The following TENM3 variants were observed in gnomAD, a reference collection of about 807,000 sequenced individuals.
TENM3 encodes the protein teneurin transmembrane protein 3.
In TENM3, 63 loss-of-function variants were observed where a neutral mutation model predicts 255.1. That is an observed-to-expected ratio of 0.25 (90% CI 0.20 to 0.30). The LOEUF (loss-of-function observed/expected upper bound fraction) is 0.30. Among genes scored for constraint, TENM3 ranks in the 10% least tolerant of loss-of-function variants. TENM3 has a pLI of 1.00. For missense variants in TENM3, 2,929 were observed against 3,461.1 expected (o/e 0.85, Z 3.86); for synonymous variants, 1,306 against 1,322.3 (o/e 0.99, Z 0.27).
At chr4:181,517,460 G>T in the TENM3 span, among the ~76,000 whole-genome samples, 1 of 152,182 alleles carries the variant, frequency 6.6e-6, no homozygotes, top group Non-Finnish European at 1.5e-5. Flanking sequence ...AGAGAAGTTA[G>T]CACTGGCCCT....
chr4:182,041,641 G>A, the TENM3 span, among the ~76,000 whole-genome samples: 1 of 152,076 alleles, frequency 6.6e-6, no homozygotes, highest in African/African-American at 2.4e-5. Flanking sequence ...TCCAGTTTAT[G>A]TGTTTTATTT....
rs556612124 is a variant in TENM3, at chr4:182,628,915, TTGTC to T, written c.988+30_988+33del. On this transcript the variant is annotated intron_variant, in intron 5 of 27. Transcript: ENST00000511685. ...GTAAGAACAAGTTCTTAGAATTACT[TTGTC>T]TGTAAATCAGGGTGTTACATTGTTT... 5.4e-4 allele frequency: 730 copies of T among 1,355,660 alleles called. 6 individuals are homozygous for T. The African/African-American group carries it at 9.3e-3, about 17-fold the overall frequency. 84.0% of individuals were successfully genotyped at this position (1,355,660 alleles called of 1,614,324 possible). A position where few individuals can be genotyped will look rare whatever the true frequency, so the allele number is the denominator to read the frequency against.
chr4:182,334,545 T>C lies in TENM3; in HGVS notation c.232+10293T>C, dbSNP rs1006176958. ...GTGAGGACAAAATGGAGTTAATATGTATTTTCAAAAGTATGATGAAGCTGC... is the reference window on the plus strand; with the variant it reads ...GTGAGGACAAAATGGAGTTAATATGCATTTTCAAAAGTATGATGAAGCTGC... On this transcript the variant is annotated intron_variant, in intron 2 of 27. Transcript: ENST00000511685. Among the ~76,000 whole-genome samples, 7 of 152,318 alleles carry C rather than the reference T, an allele frequency of 4.6e-5. No homozygotes were observed. The East Asian group carries it at 9.6e-4, about 21-fold the overall frequency.
the TENM3 span, among the ~76,000 whole-genome samples, chr4:182,100,828 T>TACAC: frequency 3.9e-4 from 3 of 7,732 alleles, 1 homozygote; most frequent in African/African-American, 8.6e-4. Context: ...TACACATATA[T>TACAC]ATATATATAT....
the TENM3 span, among the ~76,000 whole-genome samples, chr4:181,591,405 C>T: frequency 2.4e-4 from 37 of 152,310 alleles, no homozygotes; most frequent in Middle Eastern, 3.4e-3. Flanking sequence ...AGCCAGTGTC[C>T]ATGCAAAGAC....
the TENM3 span, among the ~76,000 whole-genome samples, chr4:181,960,917 C>T: frequency 1.7e-3 from 253 of 152,226 alleles, no homozygotes; most frequent in African/African-American, 5.8e-3. Flanking sequence ...TAGAATACCA[C>T]CGGCTGATCA....
At chr4:181,698,885 C>T in the TENM3 span, among the ~76,000 whole-genome samples, 1 of 152,196 alleles carries the variant, frequency 6.6e-6, no homozygotes, top group East Asian at 1.9e-4. Flanking sequence ...TAAGTTCCCT[C>T]TGATATAAGT....
At chr4:182,785,871 C>A (rs1016271789) in intron 24 of TENM3, among the ~76,000 whole-genome samples, 3 of 151,556 alleles carry the variant, frequency 2.0e-5, no homozygotes, top group Non-Finnish European at 2.9e-5. Context: ...CTTGTCTGTT[C>A]TTTTGTTCAC....
At chr4:182,546,680 C>T (rs1169588280) in intron 3 of TENM3, among the ~76,000 whole-genome samples, 2 of 152,110 alleles carry the variant, frequency 1.3e-5, no homozygotes, top group African/African-American at 4.8e-5. Context: ...ATCTTTTATT[C>T]TCCAAGCAAC....
At chr4:181,497,862 T>C in the TENM3 span, among the ~76,000 whole-genome samples, 2 of 152,316 alleles carry the variant, frequency 1.3e-5, no homozygotes, top group South Asian at 4.1e-4. Context: ...CAATGGTAGG[T>C]ATTCCACTAA....
the TENM3 span, among the ~76,000 whole-genome samples, chr4:181,825,702 T>C: frequency 1.3e-5 from 2 of 152,198 alleles, no homozygotes; most frequent in Non-Finnish European, 2.9e-5. Flanking sequence ...AACATAAGTG[T>C]ACTCAAAAGA....
At chr4:182,637,513 C>T (rs1751939905) in intron 5 of TENM3, among the ~76,000 whole-genome samples, 1 of 152,028 alleles carries the variant, frequency 6.6e-6, no homozygotes, top group Non-Finnish European at 1.5e-5. Flanking sequence ...CCAGCCTGAA[C>T]GACATAGCAA....
At chr4:182,756,665 T>G (rs1262657052) in intron 22 of TENM3, among the ~76,000 whole-genome samples, 1 of 152,218 alleles carries the variant, frequency 6.6e-6, no homozygotes, top group Non-Finnish European at 1.5e-5. Flanking sequence ...ACAAATATTT[T>G]CTGTATAGCT....
the TENM3 span, among the ~76,000 whole-genome samples, chr4:181,596,208 T>G: frequency 6.6e-6 from 1 of 152,212 alleles, no homozygotes; most frequent in Non-Finnish European, 1.5e-5. Flanking sequence ...TTGCTCTAGT[T>G]AAAGGAAACA....
chr4:182,714,002 C>T (rs1307671520), intron 12 of TENM3, 85 bp from the exon 13 acceptor site: 1 of 1,109,226 alleles, frequency 9.0e-7, no homozygotes, highest in Admixed American at 1.9e-5. Flanking sequence ...AAGGCCTGTT[C>T]CCACTAAGTG....
Position 182,799,961 on chromosome 4 carries a change from G to A in TENM3, c.7710G>A (p.Ala2570=), listed in dbSNP as rs941971946. 4 of 1,591,926 alleles carry A rather than the reference G, an allele frequency of 2.5e-6. No homozygotes were observed. Among genetic ancestry groups the A allele is most frequent in the African/African-American group, 1.3e-5 (1 of 74,418 alleles). The part of the protein sequence containing the change: ...GTLRLTSGRK[A]LENGINVTVS... ...TGCGGTTGACCAGCGGCCGCAAGGC[G>A]CTGGAGAACGGCATCAACGTGACGG... is the stretch of plus-strand genomic sequence containing the variant. The change falls in exon 28 of 28, where the codon GCG becomes GCA. Residue 2570 remains alanine (A), a synonymous_variant. Coordinates refer to ENST00000511685, the MANE Select transcript of TENM3 (RefSeq NM_001080477.4). The surrounding 1 kb of genome is among the most constrained non-coding windows in gnomAD (Gnocchi z 4.2).
In TENM3 at chr4:182,584,865, C is replaced by T. The variant is rs141758271; in HGVS notation, c.512-16059C>T. 8.6e-3 allele frequency among the ~76,000 whole-genome samples: 1,307 copies of T among 152,172 alleles called. 9 individuals carry two copies. The highest frequency in any genetic ancestry group is 0.034 in the Middle Eastern group (10 of 294). On this transcript the variant is annotated intron_variant, in intron 3 of 27. Coordinates refer to ENST00000511685, the MANE Select transcript of TENM3 (RefSeq NM_001080477.4). ...TCATGCTGTTCAGGCCGGTCTCGAT[C>T]TCCTGACCTCAGGCAATCCACCCAC...
chr4:182,406,839 C>A (rs1183343290), intron 3 of TENM3, among the ~76,000 whole-genome samples: 6 of 152,174 alleles, frequency 3.9e-5, no homozygotes. Context: ...CAAAAATAGG[C>A]TGAAATGTCT....
chr4:181,689,023 A>G, the TENM3 span, among the ~76,000 whole-genome samples: 95 of 152,282 alleles, frequency 6.2e-4, no homozygotes, highest in Non-Finnish European at 1.2e-3. Flanking sequence ...CTGGACATAC[A>G]TACACTTTAT....
Sources: gnomAD v4.1 joint callset for allele counts (sites outside exome capture counted in the v4.1 genomes callset) on GRCh38, gnomAD v4.1.1 for gene constraint, Gnocchi (gnomAD v3.1) non-coding constraint, MANE v1.5 for transcripts, NCBI Gene and HGNC (gene_info 2026-07-23, HGNC 2026-07-21) for gene names.